NBPF12: variants seen among roughly 807,000 people sequenced by gnomAD.
The protein encoded by NBPF12 is NBPF family member NBPF12.
NBPF12 carries 115 observed loss-of-function variants against 146.4 expected under a neutral mutation model. The observed-to-expected ratio is 0.79, with a 90% CI of 0.68 to 0.92. The LOEUF (loss-of-function observed/expected upper bound fraction) is 0.92, where lower values mean the gene tolerates loss of function less well. Among genes scored for constraint, NBPF12 ranks in the 40% least tolerant of loss-of-function variants. The pLI is 0.00. For missense variants in NBPF12, 1,205 were observed against 1,326.8 expected (o/e 0.91, Z 1.43); for synonymous variants, 385 against 508.9 (o/e 0.76, Z 3.28).
chr1:146,969,194 C>T (rs1336518082), intron 10 of NBPF12, among the ~76,000 whole-genome samples, 188 bp from the exon 14 acceptor site: 1 of 151,414 alleles, frequency 6.6e-6, no homozygotes, highest in Non-Finnish European at 1.5e-5. Context: ...GGAGCCCTCT[C>T]TGATACAGAG....
At position 146,972,657 on chromosome 1, in the gene NBPF12, G is replaced by A. The variant is rs1553886737; in HGVS notation, c.1592-94G>A. ...GGGAAACAACATCTTCAAATAAGTA[G>A]ACAAGGCTACCAGTGACATCCCTCA... On this transcript the variant is annotated intron_variant, in intron 13 of 33. Coordinates refer to ENST00000617844, the Ensembl canonical transcript of NBPF12. 60 of 1,068,908 alleles carry A rather than the reference G, an allele frequency of 5.6e-5. 2 individuals are homozygous for A. The African/African-American group carries it at 7.5e-4, about 13-fold the overall frequency. 66.2% of individuals were successfully genotyped at this position (1,068,908 alleles called of 1,614,324 possible).
At chr1:146,960,343 T>G in intron 4 of NBPF12, 25 bp downstream of exon 7, 1 of 1,468,706 alleles carries the variant, frequency 6.8e-7, no homozygotes, top group Non-Finnish European at 9.5e-7. Context: ...CTCACCATCA[T>G]GAAAGTGATG....
upstream of NBPF12, among the ~76,000 whole-genome samples, chr1:146,946,512 C>CCTT (rs1655075606): frequency 2.4e-5 from 1 of 40,998 alleles, no homozygotes; most frequent in African/African-American, 1.0e-4. Flanking sequence ...GATCTTTCAC[C>CCTT]TTTTTTTTTT....
exon 34 of NBPF12, chr1:146,995,511 AC>A (rs1204821328): frequency 1.3e-5 from 2 of 150,688 alleles, no homozygotes; most frequent in African/African-American, 2.5e-5. Context: ...GTTATTTTGA[AC>A]CCCAAATATT....
chr1:146,939,766 G>A (rs1168813239), intron 1 of NBPF12, among the ~76,000 whole-genome samples: 1 of 151,898 alleles, frequency 6.6e-6, no homozygotes, highest in Non-Finnish European at 1.5e-5. Flanking sequence ...GGCGGATCAT[G>A]AGGTCAGGAG....
intron 2 of NBPF12, among the ~76,000 whole-genome samples, chr1:146,955,001 T>C (rs1655517492): frequency 1.7e-5 from 1 of 58,070 alleles, no homozygotes; most frequent in Non-Finnish European, 3.2e-5. Flanking sequence ...TATATATATA[T>C]ATATATATAT....
Position 146,969,695 on chromosome 1 carries a change from T to C in NBPF12, c.1306+99T>C, listed in dbSNP as rs1446294922. ...ATGACAGTTGTATCAGTGGGGTTTT[T>C]TTCTACTACACATGTGTGGCCATGA... On this transcript the variant is annotated intron_variant, in intron 11 of 33. Coordinates refer to ENST00000617844, the Ensembl canonical transcript of NBPF12. The C allele has an allele frequency of 5.1e-6, 8 of 1,556,540 alleles. No individual in the cohort carries two copies. The African/African-American group carries it at 5.5e-5, about 11-fold the overall frequency.
chr1:146,957,007 AT>A (rs1655623150), intron 2 of NBPF12: 1 of 132,264 alleles, frequency 7.6e-6, no homozygotes, highest in African/African-American at 2.7e-5. Context: ...ATGTACAGTT[AT>A]TGATTTTTTT....
chr1:146,970,907 G>A (rs1349065309), intron 12 of NBPF12, among the ~76,000 whole-genome samples, 188 bp downstream of exon 15: 2 of 151,416 alleles, frequency 1.3e-5, no homozygotes, highest in Non-Finnish European at 2.9e-5. Context: ...CAAGTGTCAT[G>A]TCTGTACCAT....
chr1:146,974,023 T>A (rs1311096070), intron 14 of NBPF12, among the ~76,000 whole-genome samples: 1 of 150,910 alleles, frequency 6.6e-6, no homozygotes, highest in Non-Finnish European at 1.5e-5. Context: ...GTTCAGAGGG[T>A]ACTACAATAA....
At chr1:146,991,534 T>C (rs1166197890) in intron 30 of NBPF12, among the ~76,000 whole-genome samples, 2 of 152,284 alleles carry the variant, frequency 1.3e-5, no homozygotes, top group Non-Finnish European at 2.9e-5. Context: ...CTCAGCACAT[T>C]GGACCCAGGC....
rs1177407760 is a variant in NBPF12, at chr1:146,969,605, G to A, written c.1306+9G>A. ...CCAAAAGCTCAGCCCAGGTAAGGTGGCCACAGGCCCTGATGACCCAAAACC... is the reference window on the plus strand; with the variant it reads ...CCAAAAGCTCAGCCCAGGTAAGGTGACCACAGGCCCTGATGACCCAAAACC... On this transcript the variant is annotated intron_variant, in intron 11 of 33. Coordinates refer to ENST00000617844, the Ensembl canonical transcript of NBPF12. 5.6e-6 allele frequency: 9 copies of A among 1,609,990 alleles called. No individual in the cohort carries two copies. The highest frequency in any genetic ancestry group is 1.7e-5 in the Admixed American group (1 of 59,912).
In NBPF12 at chr1:146,965,643, T is replaced by A. The variant is rs1161415150; in HGVS notation, c.778+539T>A. ...TAAAAATACAAAAAAAAAAAAAAAATTAGCTGGGCGCGGTGGTGGGCACCT... is the reference window on the plus strand; with the variant it reads ...TAAAAATACAAAAAAAAAAAAAAAAATAGCTGGGCGCGGTGGTGGGCACCT... On this transcript the variant is annotated intron_variant, in intron 8 of 33. Coordinates refer to ENST00000617844, the Ensembl canonical transcript of NBPF12. 8.0e-5 allele frequency among the ~76,000 whole-genome samples: 11 copies of A among 138,190 alleles called. No homozygotes were observed. In the East Asian group the frequency reaches 1.5e-3, roughly 19 times the overall value. 90.7% of individuals were successfully genotyped at this position (138,190 alleles called of 152,430 possible).
chr1:146,954,900 CGTGT>C (rs1185399956), intron 2 of NBPF12, among the ~76,000 whole-genome samples: 13,538 of 108,864 alleles, frequency 0.12, 1,054 homozygotes, highest in African/African-American at 0.21. Flanking sequence ...CACACACAAA[CGTGT>C]GTGTGTGTGT....
chr1:146,982,419 A>G (rs1369916097), intron 19 of NBPF12, among the ~76,000 whole-genome samples: 34,354 of 146,744 alleles, frequency 0.23, 4,383 homozygotes, highest in South Asian at 0.44. Flanking sequence ...CCAGGGAGAG[A>G]TGTATATATG....
At chr1:146,943,970 T>TCC (rs1234762228) in intron 2 of NBPF12, among the ~76,000 whole-genome samples, 2 of 135,454 alleles carry the variant, frequency 1.5e-5, no homozygotes, top group Non-Finnish European at 3.1e-5. Flanking sequence ...TCCACCCGCA[T>TCC]CCCCCAGGCT....
At chr1:146,978,256 G>A (rs1341019887) in intron 18 of NBPF12, among the ~76,000 whole-genome samples, 4 of 123,976 alleles carry the variant, frequency 3.2e-5, no homozygotes, top group Non-Finnish European at 5.0e-5. Context: ...TTGTAGCGTC[G>A]TAGATTTTTT....
intron 31 of NBPF12, among the ~76,000 whole-genome samples, chr1:146,992,456 CTCTCTCTGTGTGTGTG>C (rs1324467814): frequency 9.6e-6 from 1 of 103,972 alleles, no homozygotes; most frequent in East Asian, 4.8e-4. Context: ...CTCTCTCTCT[CTCTCTCTGTGTGTGTG>C]TGTGTGTGTG....
chr1:146,964,058 CA>C (rs1656031903), intron 6 of NBPF12, among the ~76,000 whole-genome samples: 1 of 129,710 alleles, frequency 7.7e-6, no homozygotes, highest in Non-Finnish European at 1.6e-5. Context: ...AGATCTGTGG[CA>C]GGATGGGGGA....
Sources: gnomAD v4.1 joint callset for allele counts (sites outside exome capture counted in the v4.1 genomes callset) on GRCh38, gnomAD v4.1.1 for gene constraint, MANE v1.5 for transcripts, NCBI Gene and HGNC (gene_info 2026-07-23, HGNC 2026-07-21) for gene names.